The following MDGA2 variants were observed in gnomAD, a reference collection of about 807,000 sequenced individuals.
The protein encoded by MDGA2 is MAM domain-containing glycosylphosphatidylinositol anchor protein 2.
A neutral mutation model predicts 117.8 loss-of-function variants in MDGA2; 40 were observed. That is an observed-to-expected ratio of 0.34 (90% confidence interval 0.26 to 0.44). The LOEUF (loss-of-function observed/expected upper bound fraction) is 0.44, where lower values mean the gene tolerates loss of function less well. Among genes scored for constraint, MDGA2 ranks in the 20% least tolerant of loss-of-function variants. MDGA2 has a pLI of 1.00. For missense variants in MDGA2, 1,123 were observed against 1,250.6 expected, an observed-to-expected ratio of 0.90 and a Z score of 1.54; for synonymous variants, 452 against 439.0, an observed-to-expected ratio of 1.03 and a Z score of -0.37.
At chr14:47,608,465 TCAAA>T (rs1056026353) in intron 1 of MDGA2, among the ~76,000 whole-genome samples, 22 of 152,058 alleles carry the variant, frequency 1.4e-4, no homozygotes, top group Middle Eastern at 3.4e-3. Context: ...GGAAGAACAT[TCAAA>T]CAAAGGGAAT....
chr14:46,847,393 A>T (rs868545084), intron 15 of MDGA2, among the ~76,000 whole-genome samples: 3 of 152,202 alleles, frequency 2.0e-5, no homozygotes, highest in Middle Eastern at 3.4e-3. Context: ...TGAAGCCAAA[A>T]CAAAATGGCA....
At chr14:47,597,662 GCCAAACA>G (rs1393246958) in intron 1 of MDGA2, among the ~76,000 whole-genome samples, 1 of 151,784 alleles carries the variant, frequency 6.6e-6, no homozygotes, top group African/African-American at 2.4e-5. Context: ...ATAGACCTTT[GCCAAACA>G]CCTTTCTCCT....
intron 3 of MDGA2, among the ~76,000 whole-genome samples, chr14:47,150,963 G>A (rs1883141300): frequency 6.7e-6 from 1 of 149,624 alleles, no homozygotes; most frequent in Non-Finnish European, 1.5e-5. Flanking sequence ...GTAGCTACCT[G>A]CCAACAGCAA....
At chr14:47,080,873 G>A (rs1890685593) in intron 6 of MDGA2, among the ~76,000 whole-genome samples, 1 of 152,078 alleles carries the variant, frequency 6.6e-6, no homozygotes, top group South Asian at 2.1e-4. Context: ...GCTTTTGCAA[G>A]TGCTCAAGTC....
At chr14:46,891,098 C>G (rs1882866349) in intron 10 of MDGA2, among the ~76,000 whole-genome samples, 1 of 151,954 alleles carries the variant, frequency 6.6e-6, no homozygotes, top group African/African-American at 2.4e-5. Context: ...TTTTATGTGA[C>G]TTTACATTCC....
At chr14:47,100,055 A>G (rs1368978432) in intron 5 of MDGA2, among the ~76,000 whole-genome samples, 2 of 152,032 alleles carry the variant, frequency 1.3e-5, no homozygotes, top group African/African-American at 4.8e-5. Flanking sequence ...TACTGCAGAA[A>G]TATCTCTACC....
At chr14:47,539,435 C>T (rs1895292567) in intron 1 of MDGA2, among the ~76,000 whole-genome samples, 1 of 152,154 alleles carries the variant, frequency 6.6e-6, no homozygotes, top group Admixed American at 6.5e-5. Flanking sequence ...GGTCTAACTC[C>T]ATTACAGCGG....
At chr14:47,160,088 T>C (rs1417578618) in intron 3 of MDGA2, among the ~76,000 whole-genome samples, 1 of 152,304 alleles carries the variant, frequency 6.6e-6, no homozygotes, top group East Asian at 1.9e-4. Context: ...GATGGAGATA[T>C]AGTAGCCACA....
chr14:47,230,500 T>A (rs1226968487), intron 2 of MDGA2, among the ~76,000 whole-genome samples: 1 of 151,988 alleles, frequency 6.6e-6, no homozygotes, highest in Non-Finnish European at 1.5e-5. Flanking sequence ...GAGTGAAACA[T>A]CTGCCCCTCT....
At chr14:46,849,213 G>A (rs937090581) in intron 15 of MDGA2, among the ~76,000 whole-genome samples, 4 of 151,648 alleles carry the variant, frequency 2.6e-5, no homozygotes, top group African/African-American at 9.7e-5. Context: ...ATTTTAATAG[G>A]CCAGAGAAAT....
At chr14:47,568,838 T>A (rs1303987777) in intron 1 of MDGA2, among the ~76,000 whole-genome samples, 11 of 152,196 alleles carry the variant, frequency 7.2e-5, no homozygotes, top group Non-Finnish European at 1.5e-4. Flanking sequence ...ACTTCCAATT[T>A]TTTTTTAAGT....
intron 2 of MDGA2, among the ~76,000 whole-genome samples, chr14:47,251,671 T>C (rs957299078): frequency 3.3e-5 from 5 of 152,188 alleles, no homozygotes; most frequent in Non-Finnish European, 7.4e-5. Flanking sequence ...CACACCAAGA[T>C]GTTCAAATTT....
rs148809409 is a variant in MDGA2 at position 47,189,388 on chromosome 14, T to A, written c.595+28633A>T. 1.2e-4 allele frequency among the ~76,000 whole-genome samples: 18 copies of A among 152,222 alleles called. No individual in the cohort carries two copies. In the East Asian group the frequency reaches 3.1e-3, roughly 26 times the overall value. On this transcript the variant is annotated intron_variant, in intron 3 of 16. Coordinates refer to ENST00000399232, the MANE Select transcript of MDGA2 (RefSeq NM_001113498.3). ...CCCAGAGTGACTTGACAAGAAACCA[T>A]AGAGATTATTTCCCCACAGCCACGG...
intron 3 of MDGA2, among the ~76,000 whole-genome samples, chr14:47,147,576 T>A (rs967623499): frequency 1.3e-5 from 2 of 152,200 alleles, no homozygotes; most frequent in African/African-American, 4.8e-5. Flanking sequence ...TGGGAGGGCC[T>A]GCTCTGTTTG....
At chr14:47,522,229 T>A (rs1158502136) in intron 1 of MDGA2, among the ~76,000 whole-genome samples, 1 of 152,160 alleles carries the variant, frequency 6.6e-6, no homozygotes, top group Non-Finnish European at 1.5e-5. Flanking sequence ...AAATGCAAGT[T>A]AACATGTGAA....
At chr14:47,239,659 T>C (rs998282905) in intron 2 of MDGA2, among the ~76,000 whole-genome samples, 5 of 151,846 alleles carry the variant, frequency 3.3e-5, no homozygotes, top group Non-Finnish European at 7.4e-5. Flanking sequence ...ACTATTACAT[T>C]TCAATAAGAT....
intron 5 of MDGA2, among the ~76,000 whole-genome samples, chr14:47,099,126 C>T (rs1238020918): frequency 6.6e-6 from 1 of 151,614 alleles, no homozygotes; most frequent in African/African-American, 2.4e-5. Context: ...CTAAAAATAG[C>T]CCAGATAGAC....
chr14:47,353,044 A>C (rs945924442), intron 1 of MDGA2, among the ~76,000 whole-genome samples: 1 of 152,166 alleles, frequency 6.6e-6, no homozygotes, highest in African/African-American at 2.4e-5. Context: ...ATGAGGCAAC[A>C]TTAATTATTG....
chr14:47,331,979 C>A (rs566976479), intron 1 of MDGA2, among the ~76,000 whole-genome samples: 1 of 152,022 alleles, frequency 6.6e-6, no homozygotes, highest in Non-Finnish European at 1.5e-5. Context: ...ACCAAGGATA[C>A]AGAAAAATGG....
Sources: gnomAD v4.1 joint callset for allele counts (sites outside exome capture counted in the v4.1 genomes callset) on GRCh38, gnomAD v4.1.1 for gene constraint, MANE v1.5 for transcripts, NCBI Gene and HGNC (gene_info 2026-07-23, HGNC 2026-07-21) for gene names.